The following MYT1L variants were observed in gnomAD, a reference collection of about 807,000 sequenced individuals.
MYT1L encodes myelin transcription factor 1 like, also known as myelin transcription factor 1-like protein.
MYT1L carries 12 observed loss-of-function variants against 126.7 expected under a neutral mutation model. The observed-to-expected ratio is 0.09, with a 90% confidence interval of 0.06 to 0.15. The LOEUF is 0.15. Ranked by LOEUF, MYT1L falls within the 10% of genes least tolerant of loss-of-function variation. The probability of loss-of-function intolerance (pLI) is 1.00; values close to 1 mark genes in which losing one functional copy is unlikely to be tolerated. For synonymous variants in MYT1L, 541 were observed against 604.2 expected (o/e 0.90, Z 1.53); for missense variants, 979 against 1,585.2 (o/e 0.62, Z 6.49).
At chr2:1,956,206 T>TATCTATCG (rs2058345462) in intron 8 of MYT1L, among the ~76,000 whole-genome samples, 1 of 147,522 alleles carries the variant, frequency 6.8e-6, no homozygotes, top group Non-Finnish European at 1.5e-5. Flanking sequence ...TCTATCTATC[T>TATCTATCG]ATCTATCTAT....
intron 2 of MYT1L, among the ~76,000 whole-genome samples, chr2:2,271,432 C>T (rs943222140): frequency 5.3e-5 from 8 of 152,136 alleles, no homozygotes; most frequent in East Asian, 3.9e-4. Flanking sequence ...CCACCCCATT[C>T]GAATGGTGGG....
Position 2,328,004 on chromosome 2 carries a change from C to A in MYT1L, c.-521+2963G>T, listed in dbSNP as rs563511812. 3.9e-5 allele frequency among the ~76,000 whole-genome samples: 6 copies of A among 152,188 alleles called. No homozygotes were observed. In the East Asian group the frequency reaches 1.2e-3, roughly 29 times the overall value. The stretch of plus-strand genomic sequence containing the variant: ...GGTAGAGTTGGAAATCTAGTTTATG[C>A]ATGTGACTTTGAAAACATTATTTAC... On this transcript the variant is annotated intron_variant, in intron 1 of 24. Coordinates refer to ENST00000647738, the MANE Select transcript of MYT1L (RefSeq NM_001303052.2).
At chr2:2,171,492 T>A (rs1339124890) in intron 3 of MYT1L, among the ~76,000 whole-genome samples, 1 of 152,204 alleles carries the variant, frequency 6.6e-6, no homozygotes, top group Non-Finnish European at 1.5e-5. Context: ...TAAAATTCAA[T>A]GAGATGAGAT....
At chr2:2,104,435 G>C (rs1246666017) in intron 3 of MYT1L, among the ~76,000 whole-genome samples, 1 of 152,194 alleles carries the variant, frequency 6.6e-6, no homozygotes, top group Non-Finnish European at 1.5e-5. Flanking sequence ...CAATTTCAGG[G>C]CAAAAAGCTA....
At chr2:1,792,140 T>G (rs1293824540) in intron 24 of MYT1L, 133 bp from the exon 25 acceptor site, 4 of 1,193,012 alleles carry the variant, frequency 3.4e-6, no homozygotes, top group Non-Finnish European at 4.6e-6. Context: ...AGAGCACACT[T>G]AAGTTTCTGG....
At chr2:1,815,910 G>A (rs1427884832) in intron 21 of MYT1L, among the ~76,000 whole-genome samples, 4 of 152,320 alleles carry the variant, frequency 2.6e-5, no homozygotes, top group Admixed American at 6.5e-5. Context: ...ACACGGCACC[G>A]CCCCGAGAAA....
intron 21 of MYT1L, among the ~76,000 whole-genome samples, chr2:1,830,466 G>A (rs2039989585): frequency 6.6e-6 from 1 of 152,046 alleles, no homozygotes; most frequent in Non-Finnish European, 1.5e-5. Context: ...TGGCAGATGG[G>A]GAGATGGAGG....
intron 1 of MYT1L, among the ~76,000 whole-genome samples, chr2:2,304,434 G>A (rs2095831140): frequency 6.6e-6 from 1 of 152,164 alleles, no homozygotes; most frequent in Non-Finnish European, 1.5e-5. Flanking sequence ...AAGTGAGGAC[G>A]ATGACTTAAA....
chr2:2,099,477 G>T (rs1388804448), intron 3 of MYT1L, among the ~76,000 whole-genome samples: 1 of 152,084 alleles, frequency 6.6e-6, no homozygotes, highest in Admixed American at 6.6e-5. Flanking sequence ...ACACAGCACA[G>T]AGACTAAAAG....
Position 2,005,844 on chromosome 2 carries a change from C to T in MYT1L, c.-157-8497G>A, listed in dbSNP as rs559243073. ...TCTTTCCTGCATGCCTTCTTTCCTGCCTGCTTTCTTTCCTGCCTGCTTTCT... is the reference window on the plus strand; with the variant it reads ...TCTTTCCTGCATGCCTTCTTTCCTGTCTGCTTTCTTTCCTGCCTGCTTTCT... On this transcript the variant is annotated intron_variant, in intron 4 of 24. Transcript: ENST00000647738. 1.7e-4 allele frequency among the ~76,000 whole-genome samples: 25 copies of T among 149,220 alleles called. No homozygotes were observed. The South Asian group carries it at 5.2e-3, about 31-fold the overall frequency.
chr2:2,320,080 T>A, intron 1 of MYT1L, among the ~76,000 whole-genome samples: 1 of 152,042 alleles, frequency 6.6e-6, no homozygotes, highest in Non-Finnish European at 1.5e-5. Context: ...AAATGCAGAA[T>A]CTAAAAATAA....
At chr2:2,058,090 A>AT (rs2069850713) in intron 3 of MYT1L, among the ~76,000 whole-genome samples, 1 of 152,182 alleles carries the variant, frequency 6.6e-6, no homozygotes, top group Non-Finnish European at 1.5e-5. Flanking sequence ...TCATTGTCTT[A>AT]GTCAAAATTT....
rs150647001 is a variant in MYT1L at position 2,149,732 on chromosome 2, C to T, written c.-304+23140G>A. On this transcript the variant is annotated intron_variant, in intron 3 of 24. Transcript: ENST00000647738. ...TTGCAGAAGAAGGAACAGAAGTTCC[C>T]GAGAGTGCATTATTAGGCTGCAGAC... Among the ~76,000 whole-genome samples, 219 of 152,246 alleles carry T rather than the reference C, an allele frequency of 1.4e-3. 1 individual carries two copies. Among genetic ancestry groups the T allele is most frequent in the African/African-American group, 3.5e-3 (147 of 41,530 alleles).
intron 4 of MYT1L, 99 bp from the exon 5 acceptor site, chr2:1,997,446 A>C (rs752940996): frequency 6.6e-6 from 1 of 152,588 alleles, no homozygotes; most frequent in Non-Finnish European, 1.5e-5. Flanking sequence ...GTCAACATGC[A>C]CACAGCAGCT....
At chr2:2,170,812 C>T (rs147684436) in intron 3 of MYT1L, among the ~76,000 whole-genome samples, 126 of 152,230 alleles carry the variant, frequency 8.3e-4, no homozygotes, top group Non-Finnish European at 1.6e-3. Flanking sequence ...TCTATGTCTG[C>T]GCCCTTCACA....
intron 3 of MYT1L, among the ~76,000 whole-genome samples, chr2:2,057,244 C>G (rs1480098369): frequency 1.3e-5 from 2 of 152,198 alleles, no homozygotes; most frequent in Non-Finnish European, 2.9e-5. Context: ...CCGCCCACAT[C>G]CTGCCCTTTC....
chr2:2,272,703 T>C (rs1322505590), intron 2 of MYT1L, among the ~76,000 whole-genome samples: 1 of 152,224 alleles, frequency 6.6e-6, no homozygotes, highest in African/African-American at 2.4e-5. Flanking sequence ...CGTCTTGGCT[T>C]AACCTGTCTA....
intron 18 of MYT1L, among the ~76,000 whole-genome samples, chr2:1,859,842 G>T (rs539815871): frequency 6.6e-6 from 1 of 152,342 alleles, no homozygotes; most frequent in South Asian, 2.1e-4. Context: ...TGGGGACAGC[G>T]CGCCGGATGA....
At chr2:1,900,257 A>G (rs1328443178) in intron 14 of MYT1L, among the ~76,000 whole-genome samples, 1 of 151,812 alleles carries the variant, frequency 6.6e-6, no homozygotes, top group African/African-American at 2.4e-5. Context: ...CACCCCATCA[A>G]CAACCTACCA....
Sources: gnomAD v4.1 joint callset for allele counts (sites outside exome capture counted in the v4.1 genomes callset) on GRCh38, gnomAD v4.1.1 for gene constraint, MANE v1.5 for transcripts, NCBI Gene and HGNC (gene_info 2026-07-23, HGNC 2026-07-21) for gene names.